Variants in ZRANB3 observed in about 807,000 individuals in gnomAD.
ZRANB3 encodes zinc finger RANBP2-type containing 3, also known as DNA annealing helicase and endonuclease ZRANB3.
A neutral mutation model predicts 133.8 loss-of-function variants in ZRANB3; 125 were observed. That is an observed-to-expected ratio of 0.93 (90% CI 0.81 to 1.08). ZRANB3 has a LOEUF of 1.08. ZRANB3 is among the 50% of genes least tolerant of loss of function. The pLI, the probability that ZRANB3 is intolerant of heterozygous loss-of-function variation, is 0.00. For missense variants in ZRANB3, 1,229 were observed against 1,275.5 expected (o/e 0.96, Z 0.56); for synonymous variants, 387 against 432.7 (o/e 0.89, Z 1.31).
intron 2 of ZRANB3, among the ~76,000 whole-genome samples, chr2:135,446,844 G>C (rs1247722022): frequency 1.3e-5 from 2 of 152,076 alleles, no homozygotes; most frequent in Non-Finnish European, 2.9e-5. Context: ...AAAGGTGTGA[G>C]CTGGAAAAAT....
At position 135,504,508 on chromosome 2, in the gene ZRANB3, G is replaced by T. The variant is rs759809917; in HGVS notation, c.-7-12C>A. ...TAGGCATGATGATCCTAAAAACAAAGAAACAACAAAAAAGGGAGGGGTATA... is the reference window on the plus strand; with the variant it reads ...TAGGCATGATGATCCTAAAAACAAATAAACAACAAAAAAGGGAGGGGTATA... On this transcript the variant is annotated splice_polypyrimidine_tract_variant and intron_variant, in intron 1 of 20. Transcript: ENST00000264159. 1.3e-6 allele frequency: 2 copies of T among 1,585,394 alleles called. No individual in the cohort carries two copies. The highest frequency in any genetic ancestry group is 2.3e-5 in the South Asian group (2 of 85,326).
chr2:135,328,501 T>C (rs1340270626), intron 6 of ZRANB3, among the ~76,000 whole-genome samples: 1 of 152,158 alleles, frequency 6.6e-6, no homozygotes, highest in Non-Finnish European at 1.5e-5. Flanking sequence ...TTTGCTATTG[T>C]GAATAGTGCC....
chr2:135,259,126 C>T (rs887829603), intron 12 of ZRANB3, among the ~76,000 whole-genome samples: 14 of 151,922 alleles, frequency 9.2e-5, no homozygotes, highest in Non-Finnish European at 8.8e-5. Flanking sequence ...CTCAAGCAAT[C>T]CTCCCACCTC....
chr2:135,480,918 T>C lies in ZRANB3; in HGVS notation c.161+23411A>G, dbSNP rs868630078. Among the ~76,000 whole-genome samples the C allele has an allele frequency of 2.2e-3, 320 of 145,108 alleles. 2 individuals carry two copies. The highest frequency in any genetic ancestry group is 7.9e-3 in the African/African-American group (295 of 37,302). ...CTGAGAATGATGATTTCCAATTTCA[T>C]CCATGTCCCTACAAAGGACATGAAC... On this transcript the variant is annotated intron_variant, in intron 2 of 20. Transcript: ENST00000264159.
intron 1 of ZRANB3, among the ~76,000 whole-genome samples, chr2:135,517,080 G>A (rs1038467094): frequency 6.6e-6 from 1 of 151,584 alleles, no homozygotes; most frequent in African/African-American, 2.4e-5. Flanking sequence ...TGATATTTGT[G>A]TATGATTCAC....
chr2:135,481,172 T>G (rs937633931), intron 2 of ZRANB3, among the ~76,000 whole-genome samples: 1 of 151,328 alleles, frequency 6.6e-6, no homozygotes, highest in Non-Finnish European at 1.5e-5. Flanking sequence ...CAGTTCTAGA[T>G]CCCTGAGGAA....
intron 3 of ZRANB3, among the ~76,000 whole-genome samples, chr2:135,385,070 G>A (rs1390339598): frequency 6.6e-6 from 1 of 152,170 alleles, no homozygotes; most frequent in Non-Finnish European, 1.5e-5. Flanking sequence ...GTTTGCAGAT[G>A]ACATGATTGT....
intron 2 of ZRANB3, among the ~76,000 whole-genome samples, chr2:135,417,095 C>A (rs1318190685): frequency 1.3e-5 from 2 of 152,036 alleles, no homozygotes; most frequent in East Asian, 1.9e-4. Context: ...GCAACAAAAG[C>A]CAAAATTGAC....
At chr2:135,493,580 T>C (rs1051128970) in intron 2 of ZRANB3, among the ~76,000 whole-genome samples, 3 of 152,152 alleles carry the variant, frequency 2.0e-5, no homozygotes, top group Non-Finnish European at 4.4e-5. Context: ...TTCAATATTA[T>C]TCAGAAAGTA....
In ZRANB3 at chr2:135,265,610, T is replaced by A. The variant is rs369608038; in HGVS notation, c.1463A>T (p.Asp488Val). ...QAEEGDKEKWDFLQFAEAWTP... is the reference protein window; with the variant it reads ...QAEEGDKEKWVFLQFAEAWTP... ...CCAAGCTTCAGCAAACTGCAGGAAA[T>A]CCCATTTTTCCTTATCACCTTCCTC... Residue 488 changes from aspartate to valine, a missense_variant, in exon 12 of 21, where the codon GAT (aspartate) becomes GTT (valine). Transcript: ENST00000264159. The A allele has an allele frequency of 1.2e-6, 2 of 1,613,498 alleles. No homozygotes were observed. Among genetic ancestry groups the A allele is most frequent in the African/African-American group, 1.3e-5 (1 of 74,912 alleles).
intron 2 of ZRANB3, among the ~76,000 whole-genome samples, chr2:135,503,378 G>A (rs1161166159): frequency 6.6e-6 from 1 of 152,070 alleles, no homozygotes; most frequent in African/African-American, 2.4e-5. Context: ...ATAAACTGTG[G>A]GTGTTGCCTC....
intron 8 of ZRANB3, among the ~76,000 whole-genome samples, chr2:135,287,084 T>C (rs1175366366): frequency 1.3e-5 from 2 of 152,206 alleles, no homozygotes; most frequent in Non-Finnish European, 2.9e-5. Context: ...CCATCTTGAG[T>C]TGATTTATGC....
chr2:135,293,876 C>T (rs1385030320), intron 8 of ZRANB3, among the ~76,000 whole-genome samples: 1 of 150,258 alleles, frequency 6.7e-6, no homozygotes, highest in Non-Finnish European at 1.5e-5. Context: ...GTCTTTGGTT[C>T]TGTTTATATG....
intron 1 of ZRANB3, among the ~76,000 whole-genome samples, chr2:135,526,180 T>G: frequency 6.9e-6 from 1 of 144,200 alleles, no homozygotes; most frequent in Admixed American, 6.8e-5. Context: ...TTTTTTTTTT[T>G]TGAGACGGAG....
intron 1 of ZRANB3, chr2:135,511,132 G>C: frequency 1.3e-6 from 1 of 771,086 alleles, no homozygotes; most frequent in East Asian, 2.4e-5. Flanking sequence ...ACATAAGGAG[G>C]TATCCCAGTA....
intron 15 of ZRANB3, among the ~76,000 whole-genome samples, chr2:135,222,594 T>A (rs1282150754): frequency 6.6e-6 from 1 of 152,112 alleles, no homozygotes; most frequent in African/African-American, 2.4e-5. Context: ...TTCCAGTGGC[T>A]ACATGAAATG....
At chr2:135,455,436 C>T (rs1468737208) in intron 2 of ZRANB3, among the ~76,000 whole-genome samples, 1 of 151,480 alleles carries the variant, frequency 6.6e-6, no homozygotes, top group East Asian at 1.9e-4. Flanking sequence ...GGTCCACCTG[C>T]CTCGGCCTCC....
At chr2:135,232,920 G>A (rs950392359) in intron 12 of ZRANB3, among the ~76,000 whole-genome samples, 5 of 152,178 alleles carry the variant, frequency 3.3e-5, no homozygotes, top group African/African-American at 1.2e-4. Context: ...CTCCTCACCA[G>A]CAACGGAACA....
chr2:135,418,003 T>G (rs975364224), intron 2 of ZRANB3, among the ~76,000 whole-genome samples: 2 of 152,100 alleles, frequency 1.3e-5, no homozygotes, highest in African/African-American at 2.4e-5. Context: ...GAGATATACC[T>G]AATGCTAAAT....
Sources: allele counts gnomAD v4.1 joint callset (sites outside exome capture counted in the v4.1 genomes callset), GRCh38; gene constraint gnomAD v4.1.1; transcripts MANE v1.5; gene names NCBI Gene and HGNC (gene_info 2026-07-23, HGNC 2026-07-21).